Variants in ADGRV1 observed in about 807,000 individuals in gnomAD.
ADGRV1 encodes the protein adhesion G protein-coupled receptor V1, also known as G-protein coupled receptor 98.
ADGRV1 carries 359 observed loss-of-function variants against 596.2 expected under a neutral mutation model. The observed-to-expected ratio is 0.60, with a 90% confidence interval of 0.55 to 0.66. The LOEUF is 0.66. Ranked by LOEUF, ADGRV1 falls within the 30% of genes least tolerant of loss-of-function variation. The pLI, the probability that ADGRV1 is intolerant of heterozygous loss-of-function variation, is 0.00. For synonymous variants in ADGRV1, 2,681 were observed against 2,679.2 expected (o/e 1.00, Z -0.02); for missense variants, 7,274 against 7,575.6 (o/e 0.96, Z 1.48).
At chr5:91,149,783 G>C (rs1393709651) in intron 87 of ADGRV1, among the ~76,000 whole-genome samples, 1 of 123,664 alleles carries the variant, frequency 8.1e-6, no homozygotes, top group African/African-American at 3.1e-5. Flanking sequence ...AGTGAGCCAA[G>C]ATCATGCCAC....
chr5:91,150,466 C>T lies in ADGRV1; in HGVS notation c.18624+245C>T, dbSNP rs73771199. Among the ~76,000 whole-genome samples, 6,226 of 152,258 alleles carry T rather than the reference C, an allele frequency of 0.041. 347 individuals carry two copies. Among genetic ancestry groups the T allele is most frequent in the African/African-American group, 0.12 (5,041 of 41,510 alleles). ...CCATTATCTAATTCTTTTTCTTCCT[C>T]ACCCTGTGAGCTAGACTGACCAGCA... On this transcript the variant is annotated intron_variant, in intron 88 of 89. Transcript: ENST00000405460.
chr5:91,008,538 C>T (rs1252930564), intron 85 of ADGRV1, among the ~76,000 whole-genome samples: 1 of 152,042 alleles, frequency 6.6e-6, no homozygotes, highest in Admixed American at 6.6e-5. Context: ...GAGTCTCGCT[C>T]TGTCACCCAG....
At chr5:90,663,849 G>A (rs867597314) in intron 21 of ADGRV1, among the ~76,000 whole-genome samples, 1 of 151,802 alleles carries the variant, frequency 6.6e-6, no homozygotes, top group Middle Eastern at 3.4e-3. Context: ...AATTTTCCCA[G>A]CACCATTTAT....
intron 11 of ADGRV1, among the ~76,000 whole-genome samples, chr5:90,641,632 A>G (rs540032919): frequency 9.8e-5 from 15 of 152,348 alleles, no homozygotes; most frequent in South Asian, 2.1e-4. Flanking sequence ...AGATTTCTAA[A>G]AACTAGGGAA....
intron 85 of ADGRV1, among the ~76,000 whole-genome samples, chr5:91,050,721 A>G (rs1441652684): frequency 6.6e-6 from 1 of 152,058 alleles, no homozygotes; most frequent in South Asian, 2.1e-4. Context: ...TTAGCCAGGC[A>G]TGGTGGTGTG....
At chr5:90,909,880 A>T (rs1772692370) in intron 83 of ADGRV1, among the ~76,000 whole-genome samples, 1 of 152,224 alleles carries the variant, frequency 6.6e-6, no homozygotes, top group Non-Finnish European at 1.5e-5. Context: ...AGAAACAAAA[A>T]AACCAAACAT....
At chr5:90,568,725 A>G (rs1417537137) in intron 1 of ADGRV1, among the ~76,000 whole-genome samples, 1 of 152,196 alleles carries the variant, frequency 6.6e-6, no homozygotes, top group Admixed American at 6.5e-5. Flanking sequence ...GTCACTAACT[A>G]TAATTGTTAA....
At chr5:90,905,361 C>G (rs1023623123) in intron 83 of ADGRV1, among the ~76,000 whole-genome samples, 5 of 152,014 alleles carry the variant, frequency 3.3e-5, no homozygotes, top group Non-Finnish European at 7.4e-5. Context: ...TTCTTCCAAT[C>G]CATGAACATG....
At chr5:90,770,336 C>A (rs1757562045) in intron 59 of ADGRV1, among the ~76,000 whole-genome samples, 1 of 152,124 alleles carries the variant, frequency 6.6e-6, no homozygotes, top group African/African-American at 2.4e-5. Flanking sequence ...CCGCCAGGTC[C>A]CTCCCATGAC....
At chr5:90,766,556 A>G (rs569387426) in intron 59 of ADGRV1, among the ~76,000 whole-genome samples, 6 of 152,292 alleles carry the variant, frequency 3.9e-5, no homozygotes, top group Non-Finnish European at 7.4e-5. Context: ...ATTTCAGCCA[A>G]TCAAAAAACT....
At chr5:90,676,485 T>C (rs924867039) in intron 25 of ADGRV1, among the ~76,000 whole-genome samples, 12 of 152,178 alleles carry the variant, frequency 7.9e-5, no homozygotes, top group Admixed American at 5.9e-4. Context: ...ACATAAACTT[T>C]TAGAATTAGT....
chr5:90,703,429 T>C (rs1026000351), intron 34 of ADGRV1, among the ~76,000 whole-genome samples: 1 of 152,156 alleles, frequency 6.6e-6, no homozygotes, highest in Non-Finnish European at 1.5e-5. Context: ...CATGTGCTTT[T>C]GTAACTTTTA....
At chr5:90,886,857 A>C (rs1455383639) in intron 83 of ADGRV1, among the ~76,000 whole-genome samples, 2 of 152,168 alleles carry the variant, frequency 1.3e-5, no homozygotes, top group African/African-American at 4.8e-5. Context: ...TGTGCCAGCA[A>C]ATTCTTTTAA....
At position 90,704,448 on chromosome 5, in the gene ADGRV1, A is replaced by G; in HGVS notation, c.8346A>G (p.Lys2782=). The stretch of plus-strand genomic sequence containing the variant: ...TGGATGACAACATTCCTGAGGAGAA[A>G]GAAGTATACCAAGTCATTCTGTATG... ...HLLDDNIPEE[K]EVYQVILYDV... The change falls in exon 36 of 90, where the codon AAA becomes AAG. Residue 2782 remains lysine, a synonymous_variant. Transcript: ENST00000405460. The G allele has an allele frequency of 6.3e-7, 1 of 1,580,786 alleles. No homozygotes were observed. The highest frequency in any genetic ancestry group is 1.2e-5 in the South Asian group (1 of 85,456).
At chr5:90,853,876 CG>C (rs941896116) in intron 80 of ADGRV1, among the ~76,000 whole-genome samples, 185 bp from the exon 81 acceptor site, 38 of 151,906 alleles carry the variant, frequency 2.5e-4, no homozygotes, top group African/African-American at 8.5e-4. Context: ...ATGGCTAAGG[CG>C]GGGTAGAAAG....
chr5:90,675,753 A>G (rs541110133), intron 24 of ADGRV1, among the ~76,000 whole-genome samples: 20 of 152,168 alleles, frequency 1.3e-4, no homozygotes, highest in African/African-American at 4.6e-4. Flanking sequence ...CCACCACTGC[A>G]CTCCAGCCTT....
intron 31 of ADGRV1, 79 bp from the exon 32 acceptor site, chr5:90,692,526 T>A: frequency 8.8e-7 from 1 of 1,139,914 alleles, no homozygotes; most frequent in Non-Finnish European, 1.2e-6. Flanking sequence ...TGTATATGTT[T>A]GATTTTTTTC....
At chr5:90,808,179 A>G (rs534961719) in intron 73 of ADGRV1, among the ~76,000 whole-genome samples, 1 of 152,214 alleles carries the variant, frequency 6.6e-6, no homozygotes, top group African/African-American at 2.4e-5. Context: ...GAATTTTACT[A>G]TGTATCTATA....
intron 1 of ADGRV1, among the ~76,000 whole-genome samples, chr5:90,572,666 T>G (rs916113307): frequency 1.8e-4 from 28 of 152,020 alleles, no homozygotes; most frequent in African/African-American, 6.5e-4. Context: ...ACACATGAAT[T>G]AACAATATCT....
Sources: gnomAD v4.1 joint callset for allele counts (sites outside exome capture counted in the v4.1 genomes callset) on GRCh38, gnomAD v4.1.1 for gene constraint, MANE v1.5 for transcripts, NCBI Gene and HGNC (gene_info 2026-07-23, HGNC 2026-07-21) for gene names.